The following ELAVL3 variants were observed in gnomAD, a reference collection of about 807,000 sequenced individuals.
ELAVL3 encodes ELAV like RNA binding protein 3, also known as ELAV-like protein 3.
Under a neutral mutation model 34.2 loss-of-function variants are expected in ELAVL3, and 8 were observed. That is an observed-to-expected ratio of 0.23 (90% CI 0.14 to 0.42). The LOEUF (loss-of-function observed/expected upper bound fraction) is 0.42, where lower values mean the gene tolerates loss of function less well. ELAVL3 is among the 10% of genes least tolerant of loss of function. ELAVL3 has a pLI of 1.00. For missense variants in ELAVL3, 273 were observed against 518.8 expected (o/e 0.53, Z 4.60); for synonymous variants, 209 against 222.1 (o/e 0.94, Z 0.53).
chr19:11,474,336 T>C (rs920178636), intron 1 of ELAVL3, among the ~76,000 whole-genome samples: 3 of 152,042 alleles, frequency 2.0e-5, no homozygotes, highest in African/African-American at 7.2e-5. Context: ...GTTGCTCACG[T>C]CTGTAATCCC....
chr19:11,453,574 T>C lies in ELAVL3; in HGVS notation c.*952A>G, dbSNP rs1427004206. 6.5e-6 allele frequency: 1 copy of C among 152,890 alleles called. No individual in the cohort carries two copies. The highest frequency in any genetic ancestry group is 1.5e-5 in the Non-Finnish European group (1 of 68,086). The allele number at this position is 152,890 out of a possible 1,614,324, so 9.5% of individuals were successfully genotyped here. ...TTCGTGTGCCCACATCTGTGGTCTG[T>C]GTCCACATGGACGTAGCCCCAGCTT... is the stretch of plus-strand genomic sequence containing the variant. On this transcript the variant is annotated 3_prime_UTR_variant, in exon 7 of 7. Transcript: ENST00000359227.
chr19:11,466,605 C>T lies in ELAVL3; in HGVS notation c.229+3G>A, dbSNP rs1268069929. On this transcript the variant is annotated splice_donor_region_variant and intron_variant, in intron 2 of 6. Transcript: ENST00000359227. This position sits in a 1 kb window ranked among gnomAD's most constrained non-coding sequence, Gnocchi z 5.0. ...TTCCTCCCCGCAACTCCAGCAGCCA[C>T]ACCTGTGATCTTGTCCCGAACCAAC... is the stretch of plus-strand genomic sequence containing the variant. 9 of 1,613,986 alleles carry T rather than the reference C, an allele frequency of 5.6e-6. No homozygotes were observed. Among genetic ancestry groups the T allele is most frequent in the Non-Finnish European group, 6.8e-6 (8 of 1,179,994 alleles).
intron 3 of ELAVL3, among the ~76,000 whole-genome samples, chr19:11,464,123 G>GTCTCTCTCTCTCTGTCTC (rs1970951848): frequency 2.7e-5 from 3 of 110,954 alleles, no homozygotes; most frequent in African/African-American, 1.2e-4. Flanking sequence ...GTCTCTCTCT[G>GTCTCTCTCTCTCTGTCTC]TCTCTCTCTC....
rs1434230400 is a variant in ELAVL3, at chr19:11,454,632, G to A, written c.998C>T (p.Thr333Ile). 1 of 1,614,216 alleles carries A rather than the reference G, an allele frequency of 6.2e-7. No homozygotes were observed. The highest frequency in any genetic ancestry group is 1.7e-5 in the Admixed American group (1 of 60,026). The change falls in exon 7 of 7, where the codon ACC becomes ATC. Residue 333 changes from threonine (T) to isoleucine (I), a missense_variant. Around this residue, in one of 4 missense-constraint regions of ELAVL3, gnomAD observed 52 missense variants for 119.6 expected, o/e 0.43. Coordinates refer to ENST00000359227, the MANE Select transcript of ELAVL3 (RefSeq NM_001420.4). The surrounding 1 kb of genome is among the most constrained non-coding windows in gnomAD (Gnocchi z 9.2). ...KCKGFGFVTM[T>I]NYDEAAMAIA... The stretch of plus-strand genomic sequence containing the variant: ...GGCCATGGCCGCCTCGTCATAGTTG[G>A]TCATGGTCACGAAGCCGAAACCCTT...
chr19:11,457,972 A>G (rs1213110808), intron 5 of ELAVL3, 89 bp downstream of exon 5: 2 of 1,416,230 alleles, frequency 1.4e-6, no homozygotes, highest in South Asian at 1.2e-5. Context: ...CCCTCCCGGC[A>G]TCCCTCCCTT....
chr19:11,466,094 C>T lies in ELAVL3; in HGVS notation c.333+78G>A, dbSNP rs760490945. 27 of 1,188,084 alleles carry T rather than the reference C, an allele frequency of 2.3e-5. No individual in the cohort carries two copies. Among genetic ancestry groups the T allele is most frequent in the Non-Finnish European group, 2.9e-5 (24 of 840,956 alleles). The allele number at this position is 1,188,084 out of a possible 1,614,324, so 73.6% of individuals were successfully genotyped here. On this transcript the variant is annotated intron_variant, in intron 3 of 6. Coordinates refer to ENST00000359227, the MANE Select transcript of ELAVL3 (RefSeq NM_001420.4). The surrounding 1 kb of genome is among the most constrained non-coding windows in gnomAD (Gnocchi z 5.0). Reference sequence around the variant, plus strand: ...GGCAGTGGACATGGATGCATGGGGGCGGGTAGGTGGCAGTAGGGGGTTGGG... The same window carrying T: ...GGCAGTGGACATGGATGCATGGGGGTGGGTAGGTGGCAGTAGGGGGTTGGG...
In ELAVL3 at chr19:11,470,242, C is replaced by T. The variant is rs1971137199; in HGVS notation, c.10-3415G>A. ...TGGTGGCACACGCCTGTAATCCCAG[C>T]TACTCGGGAGGCTGAGGCACAAGAA... is the stretch of plus-strand genomic sequence containing the variant. On this transcript the variant is annotated intron_variant, in intron 1 of 6. Coordinates refer to ENST00000359227, the MANE Select transcript of ELAVL3 (RefSeq NM_001420.4). Among the ~76,000 whole-genome samples, 4 of 152,090 alleles carry T rather than the reference C, an allele frequency of 2.6e-5. No individual in the cohort carries two copies. The South Asian group carries it at 8.3e-4, about 31-fold the overall frequency.
Position 11,454,802 on chromosome 19 carries a change from C to T in ELAVL3, c.828G>A (p.Ser276=), listed in dbSNP as rs749088495. ...ACCAGCCGGCGCCCGCCGCGCCCCC[C>T]GACAGGCCCACGCCCGCCAGGCCGC... is the stretch of plus-strand genomic sequence containing the variant. ...GMSGLAGVGL[S]GGAAGAGWCI... The change falls in exon 7 of 7, where the codon TCG becomes TCA. Residue 276 remains serine, a synonymous_variant. Coordinates refer to ENST00000359227, the MANE Select transcript of ELAVL3 (RefSeq NM_001420.4). The surrounding 1 kb of genome is among the most constrained non-coding windows in gnomAD (Gnocchi z 9.2). 2.1e-5 allele frequency: 34 copies of T among 1,612,414 alleles called. No individual in the cohort carries two copies. The highest frequency in any genetic ancestry group is 6.7e-5 in the African/African-American group (5 of 74,926).
At chr19:11,473,101 C>CACACCTGTA (rs1971198529) in intron 1 of ELAVL3, among the ~76,000 whole-genome samples, 1 of 149,730 alleles carries the variant, frequency 6.7e-6, no homozygotes, top group Admixed American at 6.7e-5. Flanking sequence ...CGCGGTGGCT[C>CACACCTGTA]ACACCTGTAA....
At chr19:11,455,629 C>A (rs551125965) in intron 6 of ELAVL3, among the ~76,000 whole-genome samples, 1 of 151,936 alleles carries the variant, frequency 6.6e-6, no homozygotes, top group Non-Finnish European at 1.5e-5. Context: ...GGTGGGGTCT[C>A]GCTGCGTTAG....
intron 3 of ELAVL3, among the ~76,000 whole-genome samples, chr19:11,464,160 T>C (rs1970957553): frequency 8.8e-6 from 1 of 114,162 alleles, no homozygotes; most frequent in Non-Finnish European, 1.7e-5. Flanking sequence ...TCTATATATA[T>C]ATATATATTT....
chr19:11,458,056 C>T lies in ELAVL3; in HGVS notation c.713+5G>A, dbSNP rs1294782704. ...CTGGGGCCATCTGGCTGGCAGGGGGCTCACCGGAAACGCTGGGTCTGATGG... is the reference window on the plus strand; with the variant it reads ...CTGGGGCCATCTGGCTGGCAGGGGGTTCACCGGAAACGCTGGGTCTGATGG... On this transcript the variant is annotated splice_donor_5th_base_variant and intron_variant, in intron 5 of 6. Coordinates refer to ENST00000359227, the MANE Select transcript of ELAVL3 (RefSeq NM_001420.4). This position sits in a 1 kb window ranked among gnomAD's most constrained non-coding sequence, Gnocchi z 7.3. The T allele has an allele frequency of 6.2e-7, 1 of 1,610,604 alleles. No individual in the cohort carries two copies.
chr19:11,461,710 C>T (rs1311725559), intron 3 of ELAVL3, among the ~76,000 whole-genome samples: 3 of 152,050 alleles, frequency 2.0e-5, no homozygotes, highest in Admixed American at 1.3e-4. Flanking sequence ...GCAATCCTCC[C>T]ACCCTCGGCC....
At chr19:11,464,760 T>TACA (rs1568382484) in intron 3 of ELAVL3, among the ~76,000 whole-genome samples, 1 of 61,700 alleles carries the variant, frequency 1.6e-5, no homozygotes, top group African/African-American at 4.2e-5. Context: ...CACACACACA[T>TACA]CACACACACC....
At chr19:11,457,188 C>A in intron 5 of ELAVL3, 40 bp from the exon 6 acceptor site, 1 of 1,540,360 alleles carries the variant, frequency 6.5e-7, no homozygotes, top group East Asian at 2.6e-5. Flanking sequence ...GGCTTCCAGT[C>A]ACGCCCCCCT....
chr19:11,471,960 A>T (rs1400841410), intron 1 of ELAVL3, among the ~76,000 whole-genome samples: 1 of 152,212 alleles, frequency 6.6e-6, no homozygotes, highest in Non-Finnish European at 1.5e-5. Context: ...GACTGACCTT[A>T]TCTGTCAGGG....
In ELAVL3 at chr19:11,458,964, T is replaced by TTA. The variant is rs553007701; in HGVS notation, c.334-354_334-353insTA. ...ACAAACATTGACCTTTTTTTTTTTT[T>TTA]AAAGACAGGATCTCACTTTTTTACC... On this transcript the variant is annotated intron_variant, in intron 3 of 6. Transcript: ENST00000359227. This position sits in a 1 kb window ranked among gnomAD's most constrained non-coding sequence, Gnocchi z 7.3. Among the ~76,000 whole-genome samples the TTA allele has an allele frequency of 9.8e-3, 1,474 of 150,692 alleles. 27 individuals are homozygous for TTA. Among genetic ancestry groups the TTA allele is most frequent in the African/African-American group, 0.034 (1,388 of 40,780 alleles).
In ELAVL3 at chr19:11,454,947, A is replaced by G; in HGVS notation, c.753-70T>C. On this transcript the variant is annotated intron_variant, in intron 6 of 6. Transcript: ENST00000359227. The surrounding 1 kb of genome is among the most constrained non-coding windows in gnomAD (Gnocchi z 9.2). ...TTCTGACCCCGTTGTGACCCTTCAC[A>G]CCTTTATGACCCCTGACTGTGCCAT... 3 of 1,473,622 alleles carry G rather than the reference A, an allele frequency of 2.0e-6. No individual in the cohort carries two copies. Among genetic ancestry groups the G allele is most frequent in the Non-Finnish European group, 2.7e-6 (3 of 1,098,528 alleles). 91.3% of individuals were successfully genotyped at this position (1,473,622 alleles called of 1,614,324 possible). A position where few individuals can be genotyped will look rare whatever the true frequency, so the allele number is the denominator to read the frequency against.
At chr19:11,456,379 C>T (rs1970768508) in intron 6 of ELAVL3, among the ~76,000 whole-genome samples, 1 of 152,212 alleles carries the variant, frequency 6.6e-6, no homozygotes, top group Non-Finnish European at 1.5e-5. Context: ...GCTGGGATTA[C>T]AGGCGTGAGC....
Sources: allele counts gnomAD v4.1 joint callset (sites outside exome capture counted in the v4.1 genomes callset), GRCh38; gene constraint gnomAD v4.1.1; regional missense constraint gnomAD v4.1.1; non-coding constraint Gnocchi (gnomAD v3.1); transcripts MANE v1.5; gene names NCBI Gene and HGNC (gene_info 2026-07-23, HGNC 2026-07-21).